KLRD1: variants seen among roughly 807,000 people sequenced by gnomAD.
KLRD1 encodes the protein natural killer cells antigen CD94.
A neutral mutation model predicts 22.6 loss-of-function variants in KLRD1; 21 were observed. The ratio of observed to expected loss-of-function variants is 0.93; its 90% CI spans 0.66 to 1.34. The LOEUF is 1.34. KLRD1 is among the 40% of genes most tolerant of loss of function. The probability of loss-of-function intolerance (pLI) is 0.00; values close to 1 mark genes in which losing one functional copy is unlikely to be tolerated. For missense variants in KLRD1, 183 were observed against 208.6 expected, an observed-to-expected ratio of 0.88 and a Z score of 0.76; for synonymous variants, 59 against 71.1, an observed-to-expected ratio of 0.83 and a Z score of 0.85.
chr12:10,290,900 G>C (rs911141777), intron 1 of KLRD1, among the ~76,000 whole-genome samples: 1 of 151,994 alleles, frequency 6.6e-6, no homozygotes, highest in Non-Finnish European at 1.5e-5. Flanking sequence ...TCTGAATAAG[G>C]TCTATGGATT....
rs1210825812 is a variant in KLRD1, at chr12:10,313,516, A to AC, written c.419+3_419+4insC. The AC allele has an allele frequency of 6.5e-7, 1 of 1,533,148 alleles. No individual in the cohort carries two copies. The highest frequency in any genetic ancestry group is 1.4e-5 in the African/African-American group (1 of 71,700). 95.0% of individuals were successfully genotyped at this position (1,533,148 alleles called of 1,614,324 possible). On this transcript the variant is annotated splice_donor_region_variant and intron_variant, in intron 5 of 5. Coordinates refer to ENST00000336164, the MANE Select transcript of KLRD1 (RefSeq NM_002262.5). ...GGCTCTGCACTCTCCCAGTATCTGTAAGTTTCTGGCAATCATGGCGTTTTT... is the reference window on the plus strand; with the variant it reads ...GGCTCTGCACTCTCCCAGTATCTGTACAGTTTCTGGCAATCATGGCGTTTTT...
chr12:10,313,329 AACACTGACTT>A lies in KLRD1; in HGVS notation c.316-80_316-71del, dbSNP rs1950141780. The A allele has an allele frequency of 2.4e-5, 18 of 749,400 alleles. No individual in the cohort carries two copies. The Admixed American group carries it at 4.5e-4, about 19-fold the overall frequency. 46.4% of individuals were successfully genotyped at this position (749,400 alleles called of 1,614,324 possible). A position where few individuals can be genotyped will look rare whatever the true frequency, so the allele number is the denominator to read the frequency against. The stretch of plus-strand genomic sequence containing the variant: ...GATGGACAGGCTGAATCTTATTCTA[AACACTGACTT>A]TCCCTCAAAATATGTTATTCCCAGA... On this transcript the variant is annotated intron_variant, in intron 4 of 5. Coordinates refer to ENST00000336164, the MANE Select transcript of KLRD1 (RefSeq NM_002262.5).
intron 1 of KLRD1, 29 bp downstream of exon 1, chr12:10,308,113 A>G: frequency 6.2e-7 from 1 of 1,601,682 alleles, no homozygotes; most frequent in Middle Eastern, 1.7e-4. Context: ...ACTAAATTAA[A>G]AATAACCAGA....
rs1414016211 is a variant in KLRD1, at chr12:10,318,838, C to T, written c.*4045C>T. ...TCCAGCCTGGGTGACAGAGGAGACTCCGTCTCCAAAAAAAAAAAAAAAAAA... is the reference window on the plus strand; with the variant it reads ...TCCAGCCTGGGTGACAGAGGAGACTTCGTCTCCAAAAAAAAAAAAAAAAAA... On this transcript the variant is annotated 3_prime_UTR_variant, in exon 6 of 6. Transcript: ENST00000336164. 7.2e-6 allele frequency: 1 copy of T among 138,160 alleles called. No homozygotes were observed. The highest frequency in any genetic ancestry group is 1.5e-5 in the Non-Finnish European group (1 of 65,748). The allele number at this position is 138,160 out of a possible 1,614,324, so 8.6% of individuals were successfully genotyped here.
At chr12:10,287,523 A>C (rs1362371788) in intron 1 of KLRD1, among the ~76,000 whole-genome samples, 1 of 152,220 alleles carries the variant, frequency 6.6e-6, no homozygotes, top group Non-Finnish European at 1.5e-5. Flanking sequence ...TTTTGGTGCC[A>C]ACATCCTTTT....
chr12:10,294,358 T>A (rs1031996978), intron 1 of KLRD1, among the ~76,000 whole-genome samples: 2 of 151,012 alleles, frequency 1.3e-5, no homozygotes, highest in East Asian at 4.4e-4. Context: ...CCTAGAAGTT[T>A]AGTACCTCAA....
rs1450765557 is a variant in KLRD1 at position 10,309,405 on chromosome 12, T to C, written c.25T>C (p.Trp9Arg). MAVFKTTL[W>R]RLISGTLGII... is the part of the protein sequence containing the mutation. ...CTCTACAGTGTTTAAGACCACTCTG[T>C]GGAGGTTAATTTCTGGGACCTTAGG... The change falls in exon 2 of 6, where the codon TGG becomes CGG. Residue 9 changes from tryptophan (W) to arginine (R), a missense_variant. Transcript: ENST00000336164. 6.7e-7 allele frequency: 1 copy of C among 1,503,106 alleles called. No individual in the cohort carries two copies. The allele number at this position is 1,503,106 out of a possible 1,614,324, so 93.1% of individuals were successfully genotyped here.
At chr12:10,278,194 C>G (rs536713459) in intron 1 of KLRD1, among the ~76,000 whole-genome samples, 1 of 152,170 alleles carries the variant, frequency 6.6e-6, no homozygotes, top group Non-Finnish European at 1.5e-5. Context: ...ATTTGACCCT[C>G]TCTTGTAGCT....
chr12:10,306,295 T>G (rs1028096008), upstream of KLRD1, among the ~76,000 whole-genome samples: 2 of 152,180 alleles, frequency 1.3e-5, no homozygotes, highest in South Asian at 4.1e-4. Flanking sequence ...TTTAGGTATC[T>G]TAAATATTTA....
chr12:10,283,784 A>T (rs1949669836), intron 1 of KLRD1, among the ~76,000 whole-genome samples: 1 of 152,094 alleles, frequency 6.6e-6, no homozygotes, highest in African/African-American at 2.4e-5. Flanking sequence ...ACCAGGGAGG[A>T]CAAAGAGAAA....
intron 1 of KLRD1, among the ~76,000 whole-genome samples, chr12:10,277,154 A>G (rs2137650114): frequency 1.4e-5 from 2 of 145,928 alleles, no homozygotes; most frequent in East Asian, 4.0e-4. Flanking sequence ...TTGATATTCC[A>G]AAGGTAGAGG....
intron 1 of KLRD1, among the ~76,000 whole-genome samples, chr12:10,287,041 C>T (rs1020378380): frequency 6.6e-6 from 1 of 152,110 alleles, no homozygotes; most frequent in Admixed American, 6.5e-5. Flanking sequence ...GAGGCTGAGG[C>T]AGGAGAATCG....
Position 10,316,385 on chromosome 12 carries a change from T to C in KLRD1, c.*1592T>C, listed in dbSNP as rs956144620. 37 of 151,760 alleles carry C rather than the reference T, an allele frequency of 2.4e-4. No individual in the cohort carries two copies. Among genetic ancestry groups the C allele is most frequent in the African/African-American group, 8.5e-4 (35 of 41,062 alleles). 9.4% of individuals were successfully genotyped at this position (151,760 alleles called of 1,614,324 possible). On this transcript the variant is annotated 3_prime_UTR_variant, in exon 6 of 6. Transcript: ENST00000336164. Reference sequence around the variant, plus strand: ...ACTGCTACTTCATAGTTTATGCCACTTATTTTATTTTTTACTTTTATTATT... The same window carrying C: ...ACTGCTACTTCATAGTTTATGCCACCTATTTTATTTTTTACTTTTATTATT...
At chr12:10,281,704 A>C (rs566876931) in intron 1 of KLRD1, among the ~76,000 whole-genome samples, 1 of 152,378 alleles carries the variant, frequency 6.6e-6, no homozygotes, top group South Asian at 2.1e-4. Flanking sequence ...TTAGCTTTGC[A>C]TAAAATTCAA....
chr12:10,309,518 C>T (rs765704798), intron 2 of KLRD1, 38 bp downstream of exon 2: 34 of 1,311,014 alleles, frequency 2.6e-5, no homozygotes, highest in Non-Finnish European at 3.5e-5. Flanking sequence ...AAAATCAAAA[C>T]TGTGAAGACA....
chr12:10,255,242 T>C (rs1400020983), intron 1 of KLRD1, among the ~76,000 whole-genome samples: 1 of 152,198 alleles, frequency 6.6e-6, no homozygotes. Flanking sequence ...TTGAGGACTT[T>C]TAAAAATTAT....
rs1950268652 is a variant in KLRD1, at chr12:10,318,056, A to G, written c.*3263A>G. ...GATACGTGAGGATTAGGGGCACTAC[A>G]ATTCAAGATGAGATTTGGGTGGGGA... On this transcript the variant is annotated 3_prime_UTR_variant, in exon 6 of 6. Transcript: ENST00000336164. 6.6e-6 allele frequency: 1 copy of G among 152,186 alleles called. No homozygotes were observed. The highest frequency in any genetic ancestry group is 1.5e-5 in the Non-Finnish European group (1 of 68,038). The allele number at this position is 152,186 out of a possible 1,614,324, so 9.4% of individuals were successfully genotyped here.
intron 1 of KLRD1, among the ~76,000 whole-genome samples, chr12:10,239,816 AT>A (rs1045857413): frequency 1.3e-5 from 2 of 151,330 alleles, no homozygotes; most frequent in African/African-American, 4.9e-5. Flanking sequence ...TAATTTTTGT[AT>A]TTTTACTAGA....
At position 10,240,737 on chromosome 12, in the gene KLRD1, A is replaced by G. The variant is rs185352157; in HGVS notation, c.-101+14504A>G. Among the ~76,000 whole-genome samples the G allele has an allele frequency of 8.5e-5, 13 of 152,306 alleles. No individual in the cohort carries two copies. The East Asian group carries it at 2.1e-3, about 25-fold the overall frequency. On this transcript the variant is annotated intron_variant, in intron 1 of 5. Transcript: ENST00000544747. ...GAAATATCAGACATCATGTGATTTT[A>G]TCGGTCAGTACATTTCCCTGATTTT... is the stretch of plus-strand genomic sequence containing the variant.
Sources: gnomAD v4.1 joint callset for allele counts (sites outside exome capture counted in the v4.1 genomes callset) on GRCh38, gnomAD v4.1.1 for gene constraint, MANE v1.5 for transcripts, NCBI Gene and HGNC (gene_info 2026-07-23, HGNC 2026-07-21) for gene names.